The following RNFT2 variants were observed in gnomAD, a reference collection of about 807,000 sequenced individuals.
RNFT2 encodes ring finger protein, transmembrane 2, also known as E3 ubiquitin-protein ligase RNFT2.
Under a neutral mutation model 53.0 loss-of-function variants are expected in RNFT2, and 36 were observed. The ratio of observed to expected loss-of-function variants is 0.68; its 90% CI spans 0.52 to 0.90. RNFT2 has a LOEUF of 0.90. Among genes scored for constraint, RNFT2 ranks in the 40% least tolerant of loss-of-function variants. RNFT2 has a pLI of 0.00. For synonymous variants in RNFT2, 260 were observed against 253.2 expected, an observed-to-expected ratio of 1.03 and a Z score of -0.26; for missense variants, 514 against 585.6, an observed-to-expected ratio of 0.88 and a Z score of 1.26.
chr12:116,806,724 GTGATACA>G (rs1875100384), intron 7 of RNFT2, among the ~76,000 whole-genome samples: 1 of 146,386 alleles, frequency 6.8e-6, no homozygotes, highest in African/African-American at 2.6e-5. Context: ...TCCACCCTGA[GTGATACA>G]AGAGACCCTC....
chr12:116,750,797 GTA>G (rs1373158639), intron 4 of RNFT2, among the ~76,000 whole-genome samples: 50 of 77,922 alleles, frequency 6.4e-4, no homozygotes, highest in Admixed American at 9.4e-4. Context: ...ATGTGTGTGT[GTA>G]TATATATATA....
At position 116,851,771 on chromosome 12, in the gene RNFT2, G is replaced by A. The variant is rs762833947; in HGVS notation, c.*2323G>A. 23 of 779,086 alleles carry A rather than the reference G, an allele frequency of 3.0e-5. No individual in the cohort carries two copies. The highest frequency in any genetic ancestry group is 3.9e-5 in the Non-Finnish European group (18 of 459,946). The allele number at this position is 779,086 out of a possible 1,614,324, so 48.3% of individuals were successfully genotyped here. A position where few individuals can be genotyped will look rare whatever the true frequency, so the allele number is the denominator to read the frequency against. ...AAAAAAAAAGAAAGAAAGAAGGGAG[G>A]GAGGGAGGAAGGAAGGAAGGAAGGA... On this transcript the variant is annotated 3_prime_UTR_variant, in exon 11 of 11. Transcript: ENST00000257575.
At chr12:116,830,399 C>T (rs1876578455) in intron 7 of RNFT2, among the ~76,000 whole-genome samples, 1 of 152,054 alleles carries the variant, frequency 6.6e-6, no homozygotes, top group Non-Finnish European at 1.5e-5. Context: ...GCAATTCTCC[C>T]ACCTCAGCCT....
chr12:116,740,345 G>A lies in RNFT2; in HGVS notation c.-153G>A, dbSNP rs1871546005. On this transcript the variant is annotated splice_region_variant and 5_prime_UTR_variant, in exon 2 of 11. Transcript: ENST00000257575. ...CATCCAGGTGTTCTGTTCCATCCAG[G>A]TTTGGAGTCTCTGGCAAGCTCCCCT... 2 of 679,664 alleles carry A rather than the reference G, an allele frequency of 2.9e-6. No individual in the cohort carries two copies. The highest frequency in any genetic ancestry group is 1.8e-5 in the African/African-American group (1 of 56,282). The allele number at this position is 679,664 out of a possible 1,614,324, so 42.1% of individuals were successfully genotyped here. A position where few individuals can be genotyped will look rare whatever the true frequency, so the allele number is the denominator to read the frequency against.
In RNFT2 at chr12:116,760,421, G is replaced by A. The variant is rs112355530; in HGVS notation, c.627+6361G>A. On this transcript the variant is annotated intron_variant, in intron 5 of 10. Transcript: ENST00000257575. Reference sequence around the variant, plus strand: ...TTCAGCTAGAGATTTGCTTCTCCCTGTGGAGTTTTAGCCCTTGCTCCTACC... The same window carrying A: ...TTCAGCTAGAGATTTGCTTCTCCCTATGGAGTTTTAGCCCTTGCTCCTACC... Among the ~76,000 whole-genome samples, 227 of 152,336 alleles carry A rather than the reference G, an allele frequency of 1.5e-3. 1 individual carries two copies. Among genetic ancestry groups the A allele is most frequent in the African/African-American group, 5.3e-3 (221 of 41,570 alleles).
chr12:116,763,087 G>GA (rs1872754318), intron 5 of RNFT2, among the ~76,000 whole-genome samples: 1 of 150,414 alleles, frequency 6.6e-6, no homozygotes, highest in Non-Finnish European at 1.5e-5. Context: ...CTCTGTTTAA[G>GA]AAAAAATAAA....
intron 7 of RNFT2, among the ~76,000 whole-genome samples, chr12:116,779,743 A>AG (rs1370507237): frequency 1.3e-5 from 2 of 152,170 alleles, no homozygotes; most frequent in East Asian, 3.8e-4. Context: ...CATTTTATAG[A>AG]GGGGACTGAG....
At chr12:116,781,346 G>A (rs145174477) in intron 7 of RNFT2, among the ~76,000 whole-genome samples, 1 of 152,180 alleles carries the variant, frequency 6.6e-6, no homozygotes, top group South Asian at 2.1e-4. Flanking sequence ...TTCAGCTGAT[G>A]GGAAGCCCAA....
chr12:116,811,165 A>T (rs557697480), intron 7 of RNFT2, among the ~76,000 whole-genome samples: 1 of 152,046 alleles, frequency 6.6e-6, no homozygotes, highest in Admixed American at 6.5e-5. Flanking sequence ...AGCTACTAGG[A>T]AGGCTGAGGT....
intron 3 of RNFT2, among the ~76,000 whole-genome samples, chr12:116,745,618 C>T (rs1464536764): frequency 1.3e-5 from 2 of 152,140 alleles, no homozygotes; most frequent in African/African-American, 2.4e-5. Flanking sequence ...GGGAAACCAC[C>T]GTGTCCCACT....
intron 9 of RNFT2, 62 bp downstream of exon 9, chr12:116,836,087 G>A (rs1021134927): frequency 3.5e-5 from 56 of 1,605,280 alleles, no homozygotes; most frequent in South Asian, 3.1e-4. Context: ...AAACAGCAGC[G>A]ACCCCTTCCT....
chr12:116,762,417 A>G (rs1872725506), intron 5 of RNFT2, among the ~76,000 whole-genome samples: 1 of 145,550 alleles, frequency 6.9e-6, no homozygotes, highest in South Asian at 2.2e-4. Context: ...AAAAAAAAAC[A>G]AAGAAAGAAA....
At chr12:116,831,015 G>C (rs760822677) in intron 7 of RNFT2, among the ~76,000 whole-genome samples, 89 of 151,946 alleles carry the variant, frequency 5.9e-4, no homozygotes, top group Non-Finnish European at 1.2e-3. Context: ...CACACTCCTT[G>C]GTCTTCCCTT....
chr12:116,793,486 TC>T (rs1005488602), intron 7 of RNFT2, among the ~76,000 whole-genome samples: 64 of 152,178 alleles, frequency 4.2e-4, no homozygotes, highest in African/African-American at 1.4e-3. Flanking sequence ...CTGTGCCTGG[TC>T]CAGAAAACTT....
intron 3 of RNFT2, among the ~76,000 whole-genome samples, chr12:116,743,879 T>C (rs1871766398): frequency 6.6e-6 from 1 of 152,082 alleles, no homozygotes; most frequent in African/African-American, 2.4e-5. Context: ...GATACATGAC[T>C]TCACCCCTAG....
chr12:116,739,928 G>A (rs750064745), intron 1 of RNFT2, among the ~76,000 whole-genome samples: 1 of 152,192 alleles, frequency 6.6e-6, no homozygotes. Flanking sequence ...AAAGAGGGCC[G>A]GGCATGGTGG....
chr12:116,795,280 T>C (rs1190226862), intron 7 of RNFT2, among the ~76,000 whole-genome samples: 10 of 151,878 alleles, frequency 6.6e-5, no homozygotes, highest in Non-Finnish European at 1.0e-4. Flanking sequence ...TGGTGGCATG[T>C]GCCTGTAATC....
chr12:116,794,374 G>A (rs949926546), intron 7 of RNFT2, among the ~76,000 whole-genome samples: 7 of 152,022 alleles, frequency 4.6e-5, no homozygotes, highest in African/African-American at 1.7e-4. Flanking sequence ...AAGGCAGGCG[G>A]ATCCCTTGAG....
intron 7 of RNFT2, among the ~76,000 whole-genome samples, chr12:116,815,562 T>C (rs1200649772): frequency 6.6e-6 from 1 of 152,154 alleles, no homozygotes; most frequent in South Asian, 2.1e-4. Context: ...GTTGTCTCAT[T>C]GTCTTCCTTC....
Sources: allele counts gnomAD v4.1 joint callset (sites outside exome capture counted in the v4.1 genomes callset), GRCh38; gene constraint gnomAD v4.1.1; transcripts MANE v1.5; gene names NCBI Gene and HGNC (gene_info 2026-07-23, HGNC 2026-07-21).